RRAS2: variants seen among roughly 807,000 people sequenced by gnomAD.
RRAS2 encodes RAS related 2.
In RRAS2, 7 loss-of-function variants were observed where a neutral mutation model predicts 27.6. The observed-to-expected ratio is 0.25, with a 90% confidence interval of 0.14 to 0.48. The LOEUF (loss-of-function observed/expected upper bound fraction) is 0.48, where lower values mean the gene tolerates loss of function less well. Among genes scored for constraint, RRAS2 ranks in the 20% least tolerant of loss-of-function variants. The pLI is 0.99. For missense variants in RRAS2, 178 were observed against 256.2 expected (o/e 0.69, Z 2.08); for synonymous variants, 86 against 90.9 (o/e 0.95, Z 0.31).
chr11:14,280,504 G>T (rs188304556), intron 5 of RRAS2, among the ~76,000 whole-genome samples: 1 of 151,912 alleles, frequency 6.6e-6, no homozygotes, highest in Non-Finnish European at 1.5e-5. Flanking sequence ...GAGGCGGGTG[G>T]AACACGAGGT....
At chr11:14,309,014 A>G (rs1376324273) in intron 1 of RRAS2, among the ~76,000 whole-genome samples, 2 of 152,226 alleles carry the variant, frequency 1.3e-5, no homozygotes, top group Non-Finnish European at 2.9e-5. Flanking sequence ...CTGCTTAACT[A>G]AAACTGAGTA....
chr11:14,360,552 C>T (rs1327733254), upstream of RRAS2, among the ~76,000 whole-genome samples: 1 of 150,152 alleles, frequency 6.7e-6, no homozygotes, highest in East Asian at 2.0e-4. Context: ...AGGCACATGC[C>T]ATCAAGATCA....
At chr11:14,347,758 A>C (rs962575410) in intron 1 of RRAS2, among the ~76,000 whole-genome samples, 16 of 152,264 alleles carry the variant, frequency 1.1e-4, no homozygotes, top group Admixed American at 9.2e-4. Context: ...CCGAGGGTGC[A>C]GTGACCTGTC....
intron 1 of RRAS2, among the ~76,000 whole-genome samples, chr11:14,303,025 A>C (rs1847752443): frequency 6.6e-6 from 1 of 152,332 alleles, no homozygotes; most frequent in South Asian, 2.1e-4. Context: ...CCAACAGATG[A>C]CACACAGTAG....
intron 1 of RRAS2, among the ~76,000 whole-genome samples, chr11:14,339,109 C>A (rs1554952903): frequency 6.6e-6 from 1 of 151,970 alleles, no homozygotes; most frequent in Admixed American, 6.6e-5. Context: ...ATAAGGAAGT[C>A]CCATCTGCTT....
At chr11:14,321,048 C>T (rs1333091085) in intron 1 of RRAS2, among the ~76,000 whole-genome samples, 1 of 151,956 alleles carries the variant, frequency 6.6e-6, no homozygotes, top group Non-Finnish European at 1.5e-5. Context: ...GGTGTGGTGG[C>T]AGGCGCCTGT....
chr11:14,289,105 G>T (rs1219774797), intron 4 of RRAS2, among the ~76,000 whole-genome samples: 3 of 152,154 alleles, frequency 2.0e-5, no homozygotes, highest in African/African-American at 7.2e-5. Flanking sequence ...GCCACATGTG[G>T]TAAGATCCTC....
chr11:14,334,014 T>C (rs1284909287), intron 1 of RRAS2, among the ~76,000 whole-genome samples: 1 of 152,268 alleles, frequency 6.6e-6, no homozygotes, highest in Non-Finnish European at 1.5e-5. Context: ...CCATCTTCAT[T>C]ATTGACCACA....
intron 1 of RRAS2, among the ~76,000 whole-genome samples, chr11:14,324,333 C>A (rs1554950714): frequency 6.7e-6 from 1 of 148,982 alleles, no homozygotes; most frequent in African/African-American, 2.5e-5. Context: ...CCATTTACAA[C>A]AGCAACAGCA....
chr11:14,311,993 T>C (rs1225696709), intron 1 of RRAS2, among the ~76,000 whole-genome samples: 12 of 152,046 alleles, frequency 7.9e-5, no homozygotes, highest in African/African-American at 2.7e-4. Flanking sequence ...GCCTGCTGAG[T>C]AGCTGGGATT....
intron 1 of RRAS2, among the ~76,000 whole-genome samples, chr11:14,323,524 A>C (rs1416305820): frequency 6.6e-6 from 1 of 152,032 alleles, no homozygotes; most frequent in African/African-American, 2.4e-5. Context: ...AAAATAAAAT[A>C]AACTTCCCCC....
At chr11:14,332,997 T>C (rs924212920) in intron 1 of RRAS2, among the ~76,000 whole-genome samples, 13 of 152,286 alleles carry the variant, frequency 8.5e-5, no homozygotes, top group African/African-American at 3.1e-4. Flanking sequence ...TATGAAAGTA[T>C]AAAGAAAAAG....
intron 1 of RRAS2, among the ~76,000 whole-genome samples, chr11:14,348,797 A>G (rs1053479749): frequency 6.6e-6 from 1 of 152,128 alleles, no homozygotes; most frequent in South Asian, 2.1e-4. Context: ...CTTCCAGTAG[A>G]GAATAGTATT....
In RRAS2 at chr11:14,308,323, C is replaced by G. The variant is rs188623412; in HGVS notation, c.109-12468G>C. On this transcript the variant is annotated intron_variant, in intron 1 of 5. Transcript: ENST00000256196. ...ACCCAAGAGTTTCGAAAGACCTAGACAGATTAAACATAAACTCTTTAGTAA... is the reference window on the plus strand; with the variant it reads ...ACCCAAGAGTTTCGAAAGACCTAGAGAGATTAAACATAAACTCTTTAGTAA... 6.8e-6 allele frequency: 3 copies of G among 442,114 alleles called. No individual in the cohort carries two copies. In the East Asian group the frequency reaches 2.2e-4, roughly 32 times the overall value. 27.4% of individuals were successfully genotyped at this position (442,114 alleles called of 1,614,324 possible). A position where few individuals can be genotyped will look rare whatever the true frequency, so the allele number is the denominator to read the frequency against.
intron 1 of RRAS2, among the ~76,000 whole-genome samples, chr11:14,323,298 A>G (rs1400773650): frequency 3.3e-5 from 5 of 152,032 alleles, no homozygotes; most frequent in African/African-American, 1.2e-4. Flanking sequence ...ACAAAACAAC[A>G]ACAAAAAAAC....
At chr11:14,325,394 C>A (rs1848331949) in intron 1 of RRAS2, among the ~76,000 whole-genome samples, 1 of 150,586 alleles carries the variant, frequency 6.6e-6, no homozygotes, top group African/African-American at 2.4e-5. Flanking sequence ...TCACTGCAAG[C>A]TCTGCCTCCC....
At chr11:14,338,181 T>C (rs1848625584) in intron 1 of RRAS2, among the ~76,000 whole-genome samples, 1 of 152,200 alleles carries the variant, frequency 6.6e-6, no homozygotes, top group East Asian at 1.9e-4. Flanking sequence ...TATACATAAA[T>C]AATGTAATAC....
chr11:14,342,426 T>C (rs149429288), intron 1 of RRAS2, among the ~76,000 whole-genome samples: 2 of 152,272 alleles, frequency 1.3e-5, no homozygotes, highest in Non-Finnish European at 2.9e-5. Context: ...TGCCTTCCAA[T>C]CATAAAGGGT....
intron 1 of RRAS2, chr11:14,308,368 C>G (rs575774933): frequency 2.5e-6 from 1 of 399,906 alleles, no homozygotes; most frequent in African/African-American, 2.1e-5. Flanking sequence ...GATTCTAGTC[C>G]CAGCTATACA....
Sources: allele counts gnomAD v4.1 joint callset (sites outside exome capture counted in the v4.1 genomes callset), GRCh38; gene constraint gnomAD v4.1.1; transcripts MANE v1.5; gene names NCBI Gene and HGNC (gene_info 2026-07-23, HGNC 2026-07-21).